The following SUSD5 variants were observed in gnomAD, a reference collection of about 807,000 sequenced individuals.
SUSD5 encodes the protein sushi domain-containing protein 5.
A neutral mutation model predicts 29.5 loss-of-function variants in SUSD5; 33 were observed. The ratio of observed to expected loss-of-function variants is 1.12; its 90% CI spans 0.85 to 1.49. SUSD5 has a LOEUF of 1.49. SUSD5 is among the 40% of genes most tolerant of loss of function. The pLI, the probability that SUSD5 is intolerant of heterozygous loss-of-function variation, is 0.00. For synonymous variants in SUSD5, 308 were observed against 325.3 expected (o/e 0.95, Z 0.57); for missense variants, 776 against 800.6 (o/e 0.97, Z 0.37).
chr3:33,183,328 A>G (rs1193440108), intron 3 of SUSD5, among the ~76,000 whole-genome samples: 1 of 151,820 alleles, frequency 6.6e-6, no homozygotes, highest in Non-Finnish European at 1.5e-5. Flanking sequence ...TATGTTTTTT[A>G]AGTCTTTTAT....
chr3:33,190,699 G>A (rs1184280111), intron 3 of SUSD5, among the ~76,000 whole-genome samples: 1 of 152,120 alleles, frequency 6.6e-6, no homozygotes, highest in Non-Finnish European at 1.5e-5. Flanking sequence ...GGCACTTGGG[G>A]GACAGAAGAT....
At chr3:33,216,881 G>C (rs1367222014) in intron 1 of SUSD5, among the ~76,000 whole-genome samples, 3 of 152,130 alleles carry the variant, frequency 2.0e-5, no homozygotes, top group Non-Finnish European at 4.4e-5. Context: ...ATAAAAGTTG[G>C]AGCTCATAAA....
rs114766034 is a variant in SUSD5 at position 33,179,997 on chromosome 3, C to A, written c.410-4923G>T. Among the ~76,000 whole-genome samples the A allele has an allele frequency of 6.1e-3, 935 of 152,232 alleles. 5 individuals carry two copies. The highest frequency in any genetic ancestry group is 0.02 in the African/African-American group (813 of 41,530). The stretch of plus-strand genomic sequence containing the variant: ...GTAAACAAACCTGTTGCACTGCCAA[C>A]TGTATAAAAGTATAGCACATACAAT... On this transcript the variant is annotated intron_variant, in intron 3 of 4. Coordinates refer to ENST00000309558, the MANE Select transcript of SUSD5 (RefSeq NM_015551.2).
At chr3:33,159,428 A>C (rs1275852017) in intron 4 of SUSD5, among the ~76,000 whole-genome samples, 1 of 151,734 alleles carries the variant, frequency 6.6e-6, no homozygotes, top group African/African-American at 2.4e-5. Flanking sequence ...TTATGCCCAC[A>C]CCCCATATTT....
At chr3:33,160,180 G>A (rs990912494) in intron 4 of SUSD5, among the ~76,000 whole-genome samples, 1 of 152,118 alleles carries the variant, frequency 6.6e-6, no homozygotes, top group African/African-American at 2.4e-5. Flanking sequence ...TCACTATGTT[G>A]CCCAGGCTTG....
chr3:33,210,284 G>A (rs530768231), intron 2 of SUSD5, among the ~76,000 whole-genome samples: 7 of 152,228 alleles, frequency 4.6e-5, no homozygotes, highest in African/African-American at 1.4e-4. Context: ...GAGGGCCTGC[G>A]AACAGTTCAC....
intron 4 of SUSD5, chr3:33,168,639 C>T: frequency 1.1e-6 from 1 of 950,252 alleles, no homozygotes; most frequent in Non-Finnish European, 1.3e-6. Context: ...CAGGATATGC[C>T]TGGTTTTATT....
At chr3:33,156,304 G>A (rs2031050378) in intron 4 of SUSD5, among the ~76,000 whole-genome samples, 1 of 152,120 alleles carries the variant, frequency 6.6e-6, no homozygotes, top group Admixed American at 6.5e-5. Flanking sequence ...CTCCCAAAGT[G>A]CTGGGATTAC....
chr3:33,212,786 A>C (rs558485733), intron 2 of SUSD5, among the ~76,000 whole-genome samples: 310 of 152,356 alleles, frequency 2.0e-3, no homozygotes, highest in South Asian at 0.011. Context: ...CCAGAAATCT[A>C]GACAGATGCG....
rs1213025572 is a variant in SUSD5, at chr3:33,150,418, T to C, written c.*2324A>G. 7 of 152,220 alleles carry C rather than the reference T, an allele frequency of 4.6e-5. No homozygotes were observed. Among genetic ancestry groups the C allele is most frequent in the Non-Finnish European group, 7.3e-5 (5 of 68,036 alleles). 9.4% of individuals were successfully genotyped at this position (152,220 alleles called of 1,614,324 possible). On this transcript the variant is annotated 3_prime_UTR_variant, in exon 5 of 5. Coordinates refer to ENST00000309558, the MANE Select transcript of SUSD5 (RefSeq NM_015551.2). ...CTATTTGTTGGTATAAATCCAATGT[T>C]CTGGGTTATTCCACAATAATAGTTG... is the stretch of plus-strand genomic sequence containing the variant.
chr3:33,172,239 C>T (rs377648406), intron 4 of SUSD5, among the ~76,000 whole-genome samples: 1 of 151,806 alleles, frequency 6.6e-6, no homozygotes, highest in African/African-American at 2.4e-5. Flanking sequence ...TACAAGGACA[C>T]AGATAGCTTA....
Position 33,150,231 on chromosome 3 carries a change from A to T in SUSD5, c.*2511T>A, listed in dbSNP as rs1306895708. ...AGATTCTATAACATTAATTTAGAGG[A>T]TACCACACCAATAAGAACTTAAAAA... On this transcript the variant is annotated 3_prime_UTR_variant, in exon 5 of 5. Coordinates refer to ENST00000309558, the MANE Select transcript of SUSD5 (RefSeq NM_015551.2). 1.3e-5 allele frequency: 2 copies of T among 152,180 alleles called. No homozygotes were observed. Among genetic ancestry groups the T allele is most frequent in the African/African-American group, 4.8e-5 (2 of 41,442 alleles). The allele number at this position is 152,180 out of a possible 1,614,324, so 9.4% of individuals were successfully genotyped here. A position where few individuals can be genotyped will look rare whatever the true frequency, so the allele number is the denominator to read the frequency against.
intron 4 of SUSD5, among the ~76,000 whole-genome samples, chr3:33,171,255 G>A (rs1386715225): frequency 1.3e-5 from 2 of 152,064 alleles, no homozygotes; most frequent in Admixed American, 1.3e-4. Flanking sequence ...GCTGAGGCAG[G>A]AGAACTGCTT....
chr3:33,175,177 A>T (rs1485461628), intron 3 of SUSD5, 103 bp from the exon 4 acceptor site: 4 of 1,255,674 alleles, frequency 3.2e-6, no homozygotes, highest in Non-Finnish European at 4.4e-6. Flanking sequence ...CGCCCACCGT[A>T]CCCTCAACTG....
rs369934704 is a variant in SUSD5 at position 33,217,856 on chromosome 3, GC to G, written c.112+829del. Among the ~76,000 whole-genome samples the G allele has an allele frequency of 2.7e-4, 41 of 152,314 alleles. No individual in the cohort carries two copies. In the East Asian group the frequency reaches 7.7e-3, roughly 29 times the overall value. On this transcript the variant is annotated intron_variant, in intron 1 of 4. Coordinates refer to ENST00000309558, the MANE Select transcript of SUSD5 (RefSeq NM_015551.2). ...TACCTCATGGGTGTGAGAACTGCTG[GC>G]TTTAAGCTTGCTTCCTTCAGATGCT...
At chr3:33,166,012 C>CAAAA (rs60528336) in intron 4 of SUSD5, among the ~76,000 whole-genome samples, 1 of 119,166 alleles carries the variant, frequency 8.4e-6, no homozygotes, top group Non-Finnish European at 1.7e-5. Context: ...CCCCCCTCTC[C>CAAAA]AAAAAAAAAA....
At chr3:33,156,851 G>A (rs1292546184) in intron 4 of SUSD5, among the ~76,000 whole-genome samples, 1 of 152,150 alleles carries the variant, frequency 6.6e-6, no homozygotes, top group African/African-American at 2.4e-5. Context: ...TTTCTGATCT[G>A]CTCCTGACAT....
At position 33,218,509 on chromosome 3, in the gene SUSD5, G is replaced by A. The variant is rs533307819; in HGVS notation, c.112+177C>T. On this transcript the variant is annotated intron_variant, in intron 1 of 4. Coordinates refer to ENST00000309558, the MANE Select transcript of SUSD5 (RefSeq NM_015551.2). ...GGGCGTTTGGGCGCACGGGCACGCG[G>A]AGACTTGGTGGGCCAGGAGAGGGAT... Among the ~76,000 whole-genome samples the A allele has an allele frequency of 1.4e-3, 216 of 152,306 alleles. 1 individual carries two copies. Among genetic ancestry groups the A allele is most frequent in the African/African-American group, 4.6e-3 (193 of 41,568 alleles).
intron 3 of SUSD5, among the ~76,000 whole-genome samples, chr3:33,196,079 C>T (rs193037600): frequency 7.4e-4 from 113 of 152,264 alleles, no homozygotes; most frequent in Non-Finnish European, 9.1e-4. Flanking sequence ...CTCCATTTCC[C>T]ATATAAATGG....
Sources: allele counts gnomAD v4.1 joint callset (sites outside exome capture counted in the v4.1 genomes callset), GRCh38; gene constraint gnomAD v4.1.1; transcripts MANE v1.5; gene names NCBI Gene and HGNC (gene_info 2026-07-23, HGNC 2026-07-21).